CORO2B: variants seen among roughly 807,000 people sequenced by gnomAD.
The protein encoded by CORO2B is coronin 2B.
A neutral mutation model predicts 58.8 loss-of-function variants in CORO2B; 26 were observed. The observed-to-expected ratio is 0.44, with a 90% CI of 0.32 to 0.61. The LOEUF is 0.61. Among genes scored for constraint, CORO2B ranks in the 20% least tolerant of loss-of-function variants. The probability of loss-of-function intolerance (pLI) is 0.04; values close to 1 mark genes in which losing one functional copy is unlikely to be tolerated. For synonymous variants in CORO2B, 242 were observed against 253.8 expected, an observed-to-expected ratio of 0.95 and a Z score of 0.44; for missense variants, 460 against 645.1, an observed-to-expected ratio of 0.71 and a Z score of 3.11.
At chr15:68,664,408 G>A (rs1902120018) in intron 2 of CORO2B, among the ~76,000 whole-genome samples, 1 of 152,190 alleles carries the variant, frequency 6.6e-6, no homozygotes, top group Non-Finnish European at 1.5e-5. Context: ...AGCACTTTGG[G>A]AGGCCAAGAC....
intron 1 of CORO2B, among the ~76,000 whole-genome samples, chr15:68,585,887 A>G (rs1899543071): frequency 6.6e-6 from 1 of 152,182 alleles, no homozygotes; most frequent in Non-Finnish European, 1.5e-5. Context: ...TAGGGCATTC[A>G]GCCGAGGGCA....
chr15:68,559,815 C>A, the CORO2B span, among the ~76,000 whole-genome samples: 1 of 152,188 alleles, frequency 6.6e-6, no homozygotes, highest in African/African-American at 2.4e-5. The surrounding 1 kb of genome is among the most constrained non-coding windows in gnomAD (Gnocchi z 4.3). Context: ...GGAGCTGCGG[C>A]GCTCCAGGAC....
intron 2 of CORO2B, among the ~76,000 whole-genome samples, chr15:68,661,912 C>T (rs1028540905): frequency 6.6e-6 from 1 of 152,172 alleles, no homozygotes; most frequent in Non-Finnish European, 1.5e-5. Context: ...GAGGCTGAAG[C>T]AGGAGAATCA....
intron 2 of CORO2B, among the ~76,000 whole-genome samples, chr15:68,659,556 T>G (rs1466711088): frequency 6.6e-6 from 1 of 151,924 alleles, no homozygotes; most frequent in Non-Finnish European, 1.5e-5. Flanking sequence ...CTAAAAAAAT[T>G]TTTTTGATTA....
intron 1 of CORO2B, among the ~76,000 whole-genome samples, chr15:68,619,189 G>T (rs552085983): frequency 7.9e-5 from 12 of 152,254 alleles, no homozygotes; most frequent in African/African-American, 2.9e-4. Context: ...GAAGCCCAGA[G>T]CCCCAATCTG....
intron 1 of CORO2B, among the ~76,000 whole-genome samples, chr15:68,620,196 G>A (rs1900478759): frequency 6.6e-6 from 1 of 152,184 alleles, no homozygotes; most frequent in African/African-American, 2.4e-5. Flanking sequence ...ACAGGTGTGA[G>A]CCACCATGCC....
chr15:68,659,621 T>G (rs1018833787), intron 2 of CORO2B, among the ~76,000 whole-genome samples: 1 of 151,990 alleles, frequency 6.6e-6, no homozygotes, highest in African/African-American at 2.4e-5. Context: ...ATTCATTAAG[T>G]GGAAGTGAAT....
the CORO2B span, among the ~76,000 whole-genome samples, chr15:68,563,365 C>T: frequency 6.6e-6 from 1 of 151,966 alleles, no homozygotes; most frequent in Non-Finnish European, 1.5e-5. Flanking sequence ...TGGCGTGTGC[C>T]TGTAATCCCA....
At chr15:68,569,956 T>G in the CORO2B span, among the ~76,000 whole-genome samples, 1 of 152,226 alleles carries the variant, frequency 6.6e-6, no homozygotes, top group Admixed American at 6.5e-5. Context: ...ATGTGTGATC[T>G]TTGGCTGAGG....
At chr15:68,630,997 C>G (rs963412589) in intron 1 of CORO2B, among the ~76,000 whole-genome samples, 1 of 152,212 alleles carries the variant, frequency 6.6e-6, no homozygotes, top group East Asian at 1.9e-4. Context: ...CTAGGTCTCA[C>G]TTGCCAGAAC....
At chr15:68,681,543 A>G (rs1384522731) in intron 2 of CORO2B, among the ~76,000 whole-genome samples, 1 of 152,146 alleles carries the variant, frequency 6.6e-6, no homozygotes, top group East Asian at 1.9e-4. Flanking sequence ...GATAATCACC[A>G]TTTTCATAGG....
intron 2 of CORO2B, among the ~76,000 whole-genome samples, chr15:68,667,337 C>T (rs59948606): frequency 0.12 from 18,658 of 152,202 alleles, 2,172 homozygotes; most frequent in African/African-American, 0.31. Context: ...GCTTTGCCAA[C>T]AGACTCTCCG....
At chr15:68,607,464 C>T (rs1363939535) in intron 1 of CORO2B, among the ~76,000 whole-genome samples, 1 of 152,142 alleles carries the variant, frequency 6.6e-6, no homozygotes, top group Non-Finnish European at 1.5e-5. Flanking sequence ...CATAGGGTCA[C>T]TTCCACACCC....
intron 1 of CORO2B, 135 bp downstream of exon 1, chr15:68,579,412 C>T: frequency 3.3e-6 from 3 of 903,470 alleles, no homozygotes; most frequent in Middle Eastern, 4.6e-4. Flanking sequence ...GCCTCTCTTG[C>T]TGCCGGATCC....
chr15:68,587,972 G>A (rs1284859184), intron 1 of CORO2B, among the ~76,000 whole-genome samples: 1 of 152,226 alleles, frequency 6.6e-6, no homozygotes, highest in Non-Finnish European at 1.5e-5. Context: ...GCTCCTTACT[G>A]TGTGACCTTG....
chr15:68,676,188 C>G (rs1047340923), intron 2 of CORO2B, among the ~76,000 whole-genome samples: 3 of 152,172 alleles, frequency 2.0e-5, no homozygotes, highest in Admixed American at 6.5e-5. Flanking sequence ...CTGATTGGCT[C>G]AGCTTGAATT....
At chr15:68,585,131 C>G (rs142807687) in intron 1 of CORO2B, among the ~76,000 whole-genome samples, 1 of 152,180 alleles carries the variant, frequency 6.6e-6, no homozygotes, top group South Asian at 2.1e-4. Flanking sequence ...GGCTGTCTTT[C>G]GTACAGAATA....
intron 2 of CORO2B, among the ~76,000 whole-genome samples, chr15:68,674,442 G>A (rs1398188957): frequency 2.0e-5 from 3 of 152,228 alleles, no homozygotes; most frequent in Non-Finnish European, 4.4e-5. Flanking sequence ...GGGTCTTCAG[G>A]TGACCCTGCT....
chr15:68,661,343 A>G lies in CORO2B; in HGVS notation c.216+15983A>G, dbSNP rs149128094. Among the ~76,000 whole-genome samples, 13 of 152,236 alleles carry G rather than the reference A, an allele frequency of 8.5e-5. No homozygotes were observed. The East Asian group carries it at 2.5e-3, about 29-fold the overall frequency. ...CTGATCTAGAGGCTGAATTAGAAAC[A>G]TTGTGTTTAGGAGCAAGTTGAACTC... On this transcript the variant is annotated intron_variant, in intron 2 of 11. Transcript: ENST00000261861.
Sources: gnomAD v4.1 joint callset for allele counts (sites outside exome capture counted in the v4.1 genomes callset) on GRCh38, gnomAD v4.1.1 for gene constraint, Gnocchi (gnomAD v3.1) non-coding constraint, MANE v1.5 for transcripts, NCBI Gene and HGNC (gene_info 2026-07-23, HGNC 2026-07-21) for gene names.